The following PDE6A variants were observed in gnomAD, a reference collection of about 807,000 sequenced individuals.
PDE6A encodes the protein rod cGMP-specific 3',5'-cyclic phosphodiesterase subunit alpha.
A neutral mutation model predicts 106.3 loss-of-function variants in PDE6A; 84 were observed. That is an observed-to-expected ratio of 0.79 (90% CI 0.66 to 0.95). The LOEUF (loss-of-function observed/expected upper bound fraction) is 0.95. PDE6A is among the 40% of genes least tolerant of loss of function. PDE6A has a pLI of 0.00. For synonymous variants in PDE6A, 394 were observed against 386.6 expected, an observed-to-expected ratio of 1.02 and a Z score of -0.23; for missense variants, 1,052 against 1,084.9, an observed-to-expected ratio of 0.97 and a Z score of 0.43.
chr5:149,932,234 A>T, intron 3 of PDE6A: 3 of 1,395,436 alleles, frequency 2.1e-6, no homozygotes, highest in Non-Finnish European at 3.1e-6. Flanking sequence ...AAAGAGAATC[A>T]TTTCTGACCA....
rs1263368084 is a variant in PDE6A at position 149,858,181 on chromosome 5, T to C, written c.*2714A>G. The C allele has an allele frequency of 6.6e-6, 1 of 152,220 alleles. No individual in the cohort carries two copies. The highest frequency in any genetic ancestry group is 1.5e-5 in the Non-Finnish European group (1 of 68,038). 9.4% of individuals were successfully genotyped at this position (152,220 alleles called of 1,614,324 possible). On this transcript the variant is annotated 3_prime_UTR_variant, in exon 22 of 22. Coordinates refer to ENST00000255266, the MANE Select transcript of PDE6A (RefSeq NM_000440.3). ...TTAATTAGCTTAATTATGGTAACCATTTCACAATGTATATCAAAACATCAC... is the reference window on the plus strand; with the variant it reads ...TTAATTAGCTTAATTATGGTAACCACTTCACAATGTATATCAAAACATCAC...
chr5:149,884,334 G>GTATA (rs111522679), intron 16 of PDE6A, 145 bp downstream of exon 16: 4 of 622,338 alleles, frequency 6.4e-6, no homozygotes, highest in Non-Finnish European at 1.2e-5. Flanking sequence ...GTGTATATAT[G>GTATA]TATATATATG....
In PDE6A at chr5:149,933,121, C is replaced by T. The variant is rs543796119; in HGVS notation, c.717+809G>A. 5.4e-4 allele frequency among the ~76,000 whole-genome samples: 82 copies of T among 152,240 alleles called. No individual in the cohort carries two copies. In the Middle Eastern group the frequency reaches 0.01, roughly 19 times the overall value. On this transcript the variant is annotated intron_variant, in intron 3 of 21. Coordinates refer to ENST00000255266, the MANE Select transcript of PDE6A (RefSeq NM_000440.3). Reference sequence around the variant, plus strand: ...AATTCTCCCATCTCAGCCTCCCCAGCAGCTGGGACTACAGGTGGACGCCAC... The same window carrying T: ...AATTCTCCCATCTCAGCCTCCCCAGTAGCTGGGACTACAGGTGGACGCCAC...
intron 13 of PDE6A, among the ~76,000 whole-genome samples, chr5:149,893,436 G>A (rs186824682): frequency 2.0e-5 from 3 of 152,306 alleles, no homozygotes; most frequent in Non-Finnish European, 4.4e-5. Flanking sequence ...GAAGGAAACC[G>A]TACTCTGACC....
At chr5:149,926,263 A>G (rs1753861551) in intron 4 of PDE6A, among the ~76,000 whole-genome samples, 1 of 152,212 alleles carries the variant, frequency 6.6e-6, no homozygotes. Flanking sequence ...TTAATTAAAA[A>G]AAACATATAT....
intron 16 of PDE6A, among the ~76,000 whole-genome samples, chr5:149,884,227 T>C (rs1006608806): frequency 3.5e-4 from 49 of 140,924 alleles, no homozygotes; most frequent in South Asian, 4.4e-4. Context: ...CACACACACA[T>C]ATATATGTGT....
chr5:149,869,215 A>G (rs543813452), intron 17 of PDE6A, among the ~76,000 whole-genome samples: 1 of 152,278 alleles, frequency 6.6e-6, no homozygotes, highest in African/African-American at 2.4e-5. Context: ...CTGTGATCCC[A>G]GCTACGCGGG....
chr5:149,888,364 A>G (rs1752395482), intron 13 of PDE6A, among the ~76,000 whole-genome samples: 1 of 151,764 alleles, frequency 6.6e-6, no homozygotes, highest in South Asian at 2.1e-4. Flanking sequence ...CTTGCTTCCT[A>G]GTGTTCACTG....
intron 6 of PDE6A, among the ~76,000 whole-genome samples, chr5:149,912,914 T>C (rs1249807528): frequency 6.6e-6 from 1 of 152,068 alleles, no homozygotes; most frequent in African/African-American, 2.4e-5. Context: ...TAGGATGTGA[T>C]GCTGGTCAAG....
chr5:149,892,314 T>TA (rs1752574447), intron 13 of PDE6A, among the ~76,000 whole-genome samples: 2 of 150,508 alleles, frequency 1.3e-5, no homozygotes, highest in Non-Finnish European at 3.0e-5. Flanking sequence ...GGAGCTCAAA[T>TA]CAAAAAAAAA....
At chr5:149,867,520 G>C (rs1462858878) in intron 19 of PDE6A, 2 of 645,350 alleles carry the variant, frequency 3.1e-6, no homozygotes, top group African/African-American at 1.8e-5. Context: ...TAGACCTAGG[G>C]TGAGGCTTGT....
intron 9 of PDE6A, among the ~76,000 whole-genome samples, 188 bp downstream of exon 9, chr5:149,899,187 G>A (rs1170248292): frequency 6.6e-6 from 1 of 152,210 alleles, no homozygotes; most frequent in Non-Finnish European, 1.5e-5. Flanking sequence ...TTTTAAAAAG[G>A]AAATGTGGAT....
At chr5:149,880,584 A>G (rs1422774682) in intron 17 of PDE6A, among the ~76,000 whole-genome samples, 1 of 151,780 alleles carries the variant, frequency 6.6e-6, no homozygotes, top group Non-Finnish European at 1.5e-5. Context: ...ATGGTGTCGC[A>G]TGCCTGTAAT....
chr5:149,907,211 C>T, intron 7 of PDE6A, 101 bp downstream of exon 7: 1 of 925,942 alleles, frequency 1.1e-6, no homozygotes, highest in Non-Finnish European at 1.8e-6. Context: ...TAGAGATCCA[C>T]ACTTGCCATC....
At chr5:149,902,339 C>G (rs372477341) in intron 8 of PDE6A, among the ~76,000 whole-genome samples, 1 of 152,056 alleles carries the variant, frequency 6.6e-6, no homozygotes, top group Non-Finnish European at 1.5e-5. Context: ...CAGCGATGCC[C>G]CTCCTCTCCC....
intron 10 of PDE6A, among the ~76,000 whole-genome samples, chr5:149,898,001 G>A (rs183014279): frequency 6.6e-6 from 1 of 152,282 alleles, no homozygotes; most frequent in Non-Finnish European, 1.5e-5. Context: ...ATGGCTGGTT[G>A]ACTCTGTCTC....
chr5:149,898,325 C>T lies in PDE6A; in HGVS notation c.1407+38G>A, dbSNP rs371847679. On this transcript the variant is annotated intron_variant, in intron 10 of 21. Transcript: ENST00000255266. ...TCTGGCCACATCTCTGAGACGCAGTCTGTATTAGAGTAGAAACAAGTAAAG... is the reference window on the plus strand; with the variant it reads ...TCTGGCCACATCTCTGAGACGCAGTTTGTATTAGAGTAGAAACAAGTAAAG... The T allele has an allele frequency of 6.2e-5, 100 of 1,603,042 alleles. No individual in the cohort carries two copies. The African/African-American group carries it at 1.1e-3, about 17-fold the overall frequency.
intron 8 of PDE6A, among the ~76,000 whole-genome samples, chr5:149,901,188 T>C (rs1752964448): frequency 6.6e-6 from 1 of 152,044 alleles, no homozygotes; most frequent in Admixed American, 6.5e-5. Context: ...AGTGTTGGGA[T>C]TACAGGTGTG....
chr5:149,922,472 C>T (rs766410317), intron 4 of PDE6A, among the ~76,000 whole-genome samples: 7 of 151,980 alleles, frequency 4.6e-5, no homozygotes, highest in South Asian at 4.2e-4. Flanking sequence ...CCACCACATC[C>T]GGCTAATTTT....
Sources: gnomAD v4.1 joint callset for allele counts (sites outside exome capture counted in the v4.1 genomes callset) on GRCh38, gnomAD v4.1.1 for gene constraint, MANE v1.5 for transcripts, NCBI Gene and HGNC (gene_info 2026-07-23, HGNC 2026-07-21) for gene names.